The following GTF2E2 variants were observed in gnomAD, a reference collection of about 807,000 sequenced individuals.
GTF2E2 encodes transcription initiation factor IIE subunit beta.
Under a neutral mutation model 40.5 loss-of-function variants are expected in GTF2E2, and 21 were observed. The ratio of observed to expected loss-of-function variants is 0.52; its 90% CI spans 0.37 to 0.75. The LOEUF (loss-of-function observed/expected upper bound fraction) is 0.75, where lower values mean the gene tolerates loss of function less well. GTF2E2 is among the 30% of genes least tolerant of loss of function. The pLI, the probability that GTF2E2 is intolerant of heterozygous loss-of-function variation, is 0.00. For missense variants in GTF2E2, 298 were observed against 338.4 expected (o/e 0.88, Z 0.94); for synonymous variants, 117 against 121.6 (o/e 0.96, Z 0.25).
At chr8:30,604,632 T>C (rs10503873) in intron 6 of GTF2E2, among the ~76,000 whole-genome samples, 34,527 of 152,228 alleles carry the variant, frequency 0.23, 4,594 homozygotes, top group South Asian at 0.39. Context: ...TTCCTGATTA[T>C]GTAAGATTTA....
chr8:30,592,474 A>C (rs1377135920), intron 6 of GTF2E2, among the ~76,000 whole-genome samples: 5 of 152,182 alleles, frequency 3.3e-5, no homozygotes, highest in Non-Finnish European at 7.3e-5. Flanking sequence ...CGGCTCACAC[A>C]CATCGTTCAC....
At chr8:30,611,193 C>T (rs1436208127) in intron 5 of GTF2E2, among the ~76,000 whole-genome samples, 1 of 152,114 alleles carries the variant, frequency 6.6e-6, no homozygotes, top group Non-Finnish European at 1.5e-5. Context: ...AGTAACTGCC[C>T]ACTTAACCAC....
intron 6 of GTF2E2, among the ~76,000 whole-genome samples, chr8:30,604,459 G>A (rs1404116423): frequency 6.6e-6 from 1 of 152,154 alleles, no homozygotes; most frequent in Non-Finnish European, 1.5e-5. Context: ...TAGCCAATGT[G>A]TAAGATATGT....
At chr8:30,655,423 T>C (rs1251293451) in intron 1 of GTF2E2, among the ~76,000 whole-genome samples, 1 of 143,042 alleles carries the variant, frequency 7.0e-6, no homozygotes, top group Non-Finnish European at 1.6e-5. Context: ...GCTGACTATA[T>C]AAATGAATTT....
intron 1 of GTF2E2, among the ~76,000 whole-genome samples, chr8:30,656,363 G>A (rs1802448090): frequency 6.6e-6 from 1 of 152,236 alleles, no homozygotes; most frequent in African/African-American, 2.4e-5. Flanking sequence ...AGCCTTGGGA[G>A]GAGGGAAAGC....
chr8:30,615,940 G>A (rs951512415), intron 3 of GTF2E2, among the ~76,000 whole-genome samples: 5 of 152,198 alleles, frequency 3.3e-5, no homozygotes, highest in African/African-American at 9.7e-5. Flanking sequence ...TTCAGTAGGT[G>A]AGTGGGTAAA....
intron 6 of GTF2E2, among the ~76,000 whole-genome samples, chr8:30,584,321 T>G (rs1828610257): frequency 1.3e-5 from 2 of 152,204 alleles, no homozygotes; most frequent in Admixed American, 1.3e-4. Flanking sequence ...GATTCCTGAC[T>G]TGTTTTATTA....
chr8:30,587,544 A>C (rs1828717204), intron 6 of GTF2E2, among the ~76,000 whole-genome samples: 1 of 152,030 alleles, frequency 6.6e-6, no homozygotes, highest in Admixed American at 6.5e-5. Flanking sequence ...GAAATCCTGA[A>C]ATGTCAGAAA....
chr8:30,607,209 A>G, intron 5 of GTF2E2, 59 bp from the exon 6 acceptor site: 1 of 649,588 alleles, frequency 1.5e-6, no homozygotes, highest in Non-Finnish European at 2.7e-6. Flanking sequence ...CACCAAAAAA[A>G]AAAAAAATTT....
At position 30,612,320 on chromosome 8, in the gene GTF2E2, G is replaced by A. The variant is rs537277436; in HGVS notation, c.528C>T (p.Pro176=). The A allele has an allele frequency of 2.3e-5, 37 of 1,608,536 alleles. 1 individual carries two copies. The South Asian group carries it at 4.0e-4, about 17-fold the overall frequency. Residue 176 remains proline (P), a synonymous_variant, in exon 5 of 8, where the codon CCC becomes CCT. Transcript: ENST00000355904. ...ILLEDIEEAL[P]NSQKAVKALG... ...TTACCTTGACAGCTTTCTGGGAATTGGGCAGTGCTTCTTCTATGTCTTCTA... is the reference window on the plus strand; with the variant it reads ...TTACCTTGACAGCTTTCTGGGAATTAGGCAGTGCTTCTTCTATGTCTTCTA...
chr8:30,583,574 TTCA>T (rs1828575878), intron 6 of GTF2E2, among the ~76,000 whole-genome samples: 1 of 151,836 alleles, frequency 6.6e-6, no homozygotes, highest in Non-Finnish European at 1.5e-5. Context: ...GAGACAGGGT[TTCA>T]TCATGTTGCC....
At chr8:30,619,904 G>A (rs1417346263) in intron 3 of GTF2E2, among the ~76,000 whole-genome samples, 1 of 152,050 alleles carries the variant, frequency 6.6e-6, no homozygotes, top group Non-Finnish European at 1.5e-5. Flanking sequence ...CCAGAGATAG[G>A]AGACATTATT....
At chr8:30,653,695 A>G (rs1343239912) in intron 1 of GTF2E2, 93 bp from the exon 2 acceptor site, 1 of 818,498 alleles carries the variant, frequency 1.2e-6, no homozygotes, top group Non-Finnish European at 2.0e-6. Flanking sequence ...CTTCCCAAAC[A>G]AAATTACCTT....
chr8:30,622,133 C>CT (rs1280334249), intron 3 of GTF2E2, among the ~76,000 whole-genome samples: 1 of 130,240 alleles, frequency 7.7e-6, no homozygotes, highest in African/African-American at 2.8e-5. Flanking sequence ...CTCCCCCCAC[C>CT]CACAACAGGC....
At chr8:30,582,460 A>G (rs1220652623) in intron 6 of GTF2E2, among the ~76,000 whole-genome samples, 2 of 152,228 alleles carry the variant, frequency 1.3e-5, no homozygotes, top group African/African-American at 4.8e-5. Flanking sequence ...ACATAACTGT[A>G]TAATTATTGA....
At chr8:30,585,353 C>G (rs756443788) in intron 6 of GTF2E2, among the ~76,000 whole-genome samples, 10 of 152,106 alleles carry the variant, frequency 6.6e-5, no homozygotes, top group Admixed American at 4.6e-4. Flanking sequence ...TTTCTGTGTG[C>G]TGGTGTCTTT....
chr8:30,594,570 A>T (rs907826131), intron 6 of GTF2E2, among the ~76,000 whole-genome samples: 1 of 151,772 alleles, frequency 6.6e-6, no homozygotes, highest in African/African-American at 2.4e-5. Flanking sequence ...AAAAAAAAAA[A>T]AAAGTGGCCA....
In GTF2E2 at chr8:30,593,372, T is replaced by C. The variant is rs180792609; in HGVS notation, c.644-12976A>G. ...ATGCTGTAGTCTAACTGTGGATGTA[T>C]GTATTTCTCCTTTTAGTTTCATCCA... On this transcript the variant is annotated intron_variant, in intron 6 of 7. Coordinates refer to ENST00000355904, the MANE Select transcript of GTF2E2 (RefSeq NM_002095.6). Among the ~76,000 whole-genome samples the C allele has an allele frequency of 4.5e-3, 689 of 152,376 alleles. 8 individuals are homozygous for C. Among genetic ancestry groups the C allele is most frequent in the Middle Eastern group, 6.8e-3 (2 of 294 alleles).
rs1802504067 is a variant in GTF2E2 at position 30,658,136 on chromosome 8, C to CTGGCAG, written c.-169_-168insCTGCCA. 5.9e-6 allele frequency: 1 copy of CTGGCAG among 168,874 alleles called. No individual in the cohort carries two copies. Among genetic ancestry groups the CTGGCAG allele is most frequent in the Non-Finnish European group, 1.2e-5 (1 of 83,704 alleles). The allele number at this position is 168,874 out of a possible 1,614,324, so 10.5% of individuals were successfully genotyped here. On this transcript the variant is annotated 5_prime_UTR_variant, in exon 1 of 8. Coordinates refer to ENST00000355904, the MANE Select transcript of GTF2E2 (RefSeq NM_002095.6). ...GACCCGCCAGGTCGGGGTCTCACCACTGGCGGTGGCGGCGGCGGCGGCGGC... is the reference window on the plus strand; with the variant it reads ...GACCCGCCAGGTCGGGGTCTCACCACTGGCAGTGGCGGTGGCGGCGGCGGCGGCGGC...
Sources: gnomAD v4.1 joint callset for allele counts (sites outside exome capture counted in the v4.1 genomes callset) on GRCh38, gnomAD v4.1.1 for gene constraint, MANE v1.5 for transcripts, NCBI Gene and HGNC (gene_info 2026-07-23, HGNC 2026-07-21) for gene names.